PSD3: variants seen among roughly 807,000 people sequenced by gnomAD.
The protein encoded by PSD3 is PH and SEC7 domain-containing protein 3.
PSD3 carries 49 observed loss-of-function variants against 105.5 expected under a neutral mutation model. The observed-to-expected ratio is 0.46, with a 90% CI of 0.37 to 0.59. The LOEUF (loss-of-function observed/expected upper bound fraction) is 0.59. Among genes scored for constraint, PSD3 ranks in the 20% least tolerant of loss-of-function variants. The pLI is 0.00. For synonymous variants in PSD3, 557 were observed against 457.8 expected (o/e 1.22, Z -2.77); for missense variants, 1,561 against 1,263.8 (o/e 1.24, Z -3.57).
chr8:18,985,789 T>C (rs180702240), intron 1 of PSD3, among the ~76,000 whole-genome samples: 1 of 152,262 alleles, frequency 6.6e-6, no homozygotes, highest in East Asian at 1.9e-4. Flanking sequence ...AATATTAAAA[T>C]ATTAGAATGA....
At chr8:18,981,545 T>G (rs544679701) in intron 1 of PSD3, among the ~76,000 whole-genome samples, 90 of 152,330 alleles carry the variant, frequency 5.9e-4, no homozygotes, top group Non-Finnish European at 1.1e-3. Flanking sequence ...TTAGAAGACT[T>G]CCTGTTAAGA....
chr8:19,040,881 C>A (rs113153387), intron 1 of PSD3, among the ~76,000 whole-genome samples: 71 of 152,100 alleles, frequency 4.7e-4, no homozygotes, highest in African/African-American at 1.5e-3. Context: ...AAGCTTGATC[C>A]CATTTTATTT....
chr8:18,727,423 C>A (rs896488075), intron 9 of PSD3, among the ~76,000 whole-genome samples: 2 of 150,792 alleles, frequency 1.3e-5, no homozygotes, highest in African/African-American at 4.9e-5. Flanking sequence ...GCAGGGAGAA[C>A]TCCTTGAGCC....
At position 18,635,878 on chromosome 8, in the gene PSD3, C is replaced by A. The variant is rs79782363; in HGVS notation, c.2217-3072G>T. On this transcript the variant is annotated intron_variant, in intron 10 of 15. Transcript: ENST00000327040. ...GGAGGGGAACATCATACACTGGGGC[C>A]TGTTGGGGGTGGGGTGGAGGGCAAG... Among the ~76,000 whole-genome samples the A allele has an allele frequency of 8.2e-3, 832 of 101,598 alleles. 10 individuals are homozygous for A. The highest frequency in any genetic ancestry group is 0.031 in the African/African-American group (795 of 26,050). 66.7% of individuals were successfully genotyped at this position (101,598 alleles called of 152,430 possible).
At chr8:18,878,769 G>T (rs755826870) in intron 2 of PSD3, among the ~76,000 whole-genome samples, 1 of 151,948 alleles carries the variant, frequency 6.6e-6, no homozygotes, top group Non-Finnish European at 1.5e-5. Context: ...AGACTTTTGC[G>T]GTATGGTATA....
At chr8:18,916,305 T>G (rs1418533700) in intron 2 of PSD3, among the ~76,000 whole-genome samples, 18 of 2,314 alleles carry the variant, frequency 7.8e-3, no homozygotes, top group Middle Eastern at 0.25. Context: ...GTGATATATA[T>G]ATATATATAT....
At chr8:18,884,218 C>G (rs1383230613) in intron 2 of PSD3, among the ~76,000 whole-genome samples, 1 of 151,952 alleles carries the variant, frequency 6.6e-6, no homozygotes, top group African/African-American at 2.4e-5. Flanking sequence ...AAAAAAATCT[C>G]AAATGCATTT....
chr8:18,987,517 G>A (rs1825570791), intron 1 of PSD3, among the ~76,000 whole-genome samples: 1 of 151,962 alleles, frequency 6.6e-6, no homozygotes, highest in Non-Finnish European at 1.5e-5. Flanking sequence ...TTGATCTCCT[G>A]ACCTCGTGAT....
intron 1 of PSD3, among the ~76,000 whole-genome samples, chr8:19,046,474 C>T (rs1828323653): frequency 1.3e-5 from 2 of 152,122 alleles, no homozygotes. Flanking sequence ...CTTTATTGGG[C>T]CATCACTTAT....
rs535687671 is a variant in PSD3, at chr8:18,699,152, G to A, written c.2173-43467C>T. On this transcript the variant is annotated intron_variant, in intron 9 of 15. Transcript: ENST00000327040. Reference sequence around the variant, plus strand: ...TCCCTTGCAACTAGATTCCTGCTAAGGAATGTGAGTGAAAGCTATGTGTGC... The same window carrying A: ...TCCCTTGCAACTAGATTCCTGCTAAAGAATGTGAGTGAAAGCTATGTGTGC... Among the ~76,000 whole-genome samples, 5 of 152,228 alleles carry A rather than the reference G, an allele frequency of 3.3e-5. No individual in the cohort carries two copies. The East Asian group carries it at 9.7e-4, about 29-fold the overall frequency.
intron 1 of PSD3, among the ~76,000 whole-genome samples, chr8:19,020,792 G>A (rs1005483938): frequency 1.3e-5 from 2 of 152,100 alleles, no homozygotes; most frequent in African/African-American, 4.8e-5. Context: ...ATAAAAGAGA[G>A]TCAAAGATGA....
intron 1 of PSD3, among the ~76,000 whole-genome samples, chr8:18,982,802 T>G (rs1307375915): frequency 6.6e-6 from 1 of 152,196 alleles, no homozygotes; most frequent in African/African-American, 2.4e-5. Flanking sequence ...GTTACATTTA[T>G]AGAGCACAAG....
At chr8:18,978,500 C>T (rs1825071483) in intron 1 of PSD3, among the ~76,000 whole-genome samples, 1 of 152,184 alleles carries the variant, frequency 6.6e-6, no homozygotes, top group Non-Finnish European at 1.5e-5. Context: ...CTAAAACATG[C>T]ACCTTTCAAT....
At chr8:18,706,821 G>C (rs1160921216) in intron 9 of PSD3, among the ~76,000 whole-genome samples, 1 of 152,168 alleles carries the variant, frequency 6.6e-6, no homozygotes, top group African/African-American at 2.4e-5. Context: ...GCAACCTTCT[G>C]AGTATACCAT....
At chr8:18,949,981 G>C (rs79576832) in intron 1 of PSD3, among the ~76,000 whole-genome samples, 2 of 152,016 alleles carry the variant, frequency 1.3e-5, no homozygotes. Flanking sequence ...AAAATGTCAT[G>C]ACAAGACAAG....
At chr8:18,879,051 A>AACACAC (rs59598569) in intron 2 of PSD3, among the ~76,000 whole-genome samples, 10,452 of 138,534 alleles carry the variant, frequency 0.075, 422 homozygotes, top group Admixed American at 0.12. Context: ...CACACACACA[A>AACACAC]ACACACACAC....
chr8:18,787,719 T>C (rs1809310430), intron 8 of PSD3, among the ~76,000 whole-genome samples: 1 of 152,154 alleles, frequency 6.6e-6, no homozygotes. Flanking sequence ...AAAAGATGTT[T>C]TCTCTGTTTG....
At chr8:19,072,495 C>T (rs987004682) in intron 1 of PSD3, among the ~76,000 whole-genome samples, 2 of 152,192 alleles carry the variant, frequency 1.3e-5, no homozygotes, top group African/African-American at 4.8e-5. Context: ...ATTAGGTATA[C>T]AGAACACAGA....
At chr8:18,947,549 C>T (rs766750789) in intron 1 of PSD3, among the ~76,000 whole-genome samples, 9 of 152,258 alleles carry the variant, frequency 5.9e-5, no homozygotes, top group Non-Finnish European at 1.0e-4. Flanking sequence ...CAGGGAGCGG[C>T]GGCCATATGG....
Sources: allele counts gnomAD v4.1 joint callset (sites outside exome capture counted in the v4.1 genomes callset), GRCh38; gene constraint gnomAD v4.1.1; transcripts MANE v1.5; gene names NCBI Gene and HGNC (gene_info 2026-07-23, HGNC 2026-07-21).